PPP3CC: variants seen among roughly 807,000 people sequenced by gnomAD.
PPP3CC encodes serine/threonine-protein phosphatase 2B catalytic subunit gamma isoform.
A neutral mutation model predicts 60.3 loss-of-function variants in PPP3CC; 35 were observed. The ratio of observed to expected loss-of-function variants is 0.58; its 90% confidence interval spans 0.44 to 0.77. The LOEUF (loss-of-function observed/expected upper bound fraction) is 0.77. Ranked by LOEUF, PPP3CC falls within the 30% of genes least tolerant of loss-of-function variation. The probability of loss-of-function intolerance (pLI) is 0.00; values close to 1 mark genes in which losing one functional copy is unlikely to be tolerated. For missense variants in PPP3CC, 570 were observed against 628.9 expected (o/e 0.91, Z 1.00); for synonymous variants, 206 against 224.3 (o/e 0.92, Z 0.73).
At chr8:22,467,773 A>G (rs1425827112) in intron 1 of PPP3CC, among the ~76,000 whole-genome samples, 1 of 152,194 alleles carries the variant, frequency 6.6e-6, no homozygotes, top group Non-Finnish European at 1.5e-5. Flanking sequence ...TAATTTGTGA[A>G]CAACAGAAAT....
At chr8:22,490,294 C>T (rs76504753) in intron 3 of PPP3CC, among the ~76,000 whole-genome samples, 2,929 of 152,230 alleles carry the variant, frequency 0.019, 59 homozygotes, top group East Asian at 0.083. Context: ...CTGTTTCTGA[C>T]TCATCAGGCG....
intron 5 of PPP3CC, among the ~76,000 whole-genome samples, chr8:22,511,671 C>A (rs1839091907): frequency 6.6e-6 from 1 of 152,174 alleles, no homozygotes; most frequent in Non-Finnish European, 1.5e-5. Flanking sequence ...CCTCTGATTT[C>A]ATCACTATAA....
chr8:22,454,938 C>T (rs1837149142), intron 1 of PPP3CC, among the ~76,000 whole-genome samples: 1 of 151,638 alleles, frequency 6.6e-6, no homozygotes, highest in Non-Finnish European at 1.5e-5. Flanking sequence ...CACCTGTAGT[C>T]CCAGCTACTC....
At chr8:22,502,432 TC>T (rs1838789009) in intron 4 of PPP3CC, among the ~76,000 whole-genome samples, 1 of 152,194 alleles carries the variant, frequency 6.6e-6, no homozygotes, top group African/African-American at 2.4e-5. Context: ...ATGCTCATAA[TC>T]CTACACTTTG....
chr8:22,458,641 G>A (rs1837278162), intron 1 of PPP3CC, among the ~76,000 whole-genome samples: 2 of 151,318 alleles, frequency 1.3e-5, no homozygotes, highest in African/African-American at 2.4e-5. Context: ...ATAAAATAAA[G>A]TAAAATAAAA....
chr8:22,523,693 C>T (rs1839468823), intron 8 of PPP3CC: 1 of 453,294 alleles, frequency 2.2e-6, no homozygotes, highest in East Asian at 7.0e-5. Context: ...AATCTTCGTC[C>T]TTTGAGGGTG....
At chr8:22,540,349 G>C (rs1209729151) in intron 13 of PPP3CC, among the ~76,000 whole-genome samples, 1 of 152,144 alleles carries the variant, frequency 6.6e-6, no homozygotes, top group South Asian at 2.1e-4. Flanking sequence ...TTTTTGTTAG[G>C]TATATGTCTA....
chr8:22,524,988 GAAAAATTT>G (rs1354919651), intron 8 of PPP3CC, among the ~76,000 whole-genome samples: 1 of 152,040 alleles, frequency 6.6e-6, no homozygotes, highest in Non-Finnish European at 1.5e-5. Flanking sequence ...TCTTTACAAA[GAAAAATTT>G]AAAAGTTAGC....
chr8:22,505,126 A>G lies in PPP3CC; in HGVS notation c.485-5960A>G, dbSNP rs561700030. Among the ~76,000 whole-genome samples, 635 of 148,714 alleles carry G rather than the reference A, an allele frequency of 4.3e-3. 9 individuals carry two copies. Among genetic ancestry groups the G allele is most frequent in the Non-Finnish European group, 6.6e-3 (448 of 67,674 alleles). On this transcript the variant is annotated intron_variant, in intron 4 of 13. Transcript: ENST00000240139. The stretch of plus-strand genomic sequence containing the variant: ...ACTGCAACCTCCGCCTCCCAAGTTC[A>G]AGTGATTCTCCTGCTTCAGCCTCCT...
chr8:22,524,559 G>C (rs367769143), intron 8 of PPP3CC, among the ~76,000 whole-genome samples: 1 of 152,030 alleles, frequency 6.6e-6, no homozygotes, highest in East Asian at 1.9e-4. Context: ...TAGCAACTTA[G>C]GTTTTATTCT....
rs138864841 is a variant in PPP3CC, at chr8:22,538,657, G to A, written c.1322-812G>A. On this transcript the variant is annotated intron_variant, in intron 12 of 13. Coordinates refer to ENST00000240139, the MANE Select transcript of PPP3CC (RefSeq NM_005605.5). ...ACCCTGTACCTTTTCATATATTAGC[G>A]TTTTTACTGTCTGAGAAAGGAGATG... Among the ~76,000 whole-genome samples the A allele has an allele frequency of 2.2e-4, 34 of 152,258 alleles. 1 individual carries two copies. Among genetic ancestry groups the A allele is most frequent in the African/African-American group, 7.7e-4 (32 of 41,550 alleles).
chr8:22,493,125 A>C, intron 3 of PPP3CC: 2 of 1,552,102 alleles, frequency 1.3e-6, no homozygotes, highest in South Asian at 2.2e-5. Context: ...AATTGAGTCA[A>C]CTTCTGAAGA....
At position 22,540,899 on chromosome 8, in the gene PPP3CC, A is replaced by C; in HGVS notation, c.*97A>C. 8.7e-7 allele frequency: 1 copy of C among 1,147,582 alleles called. No individual in the cohort carries two copies. The highest frequency in any genetic ancestry group is 1.2e-6 in the Non-Finnish European group (1 of 858,274). The allele number at this position is 1,147,582 out of a possible 1,614,324, so 71.1% of individuals were successfully genotyped here. On this transcript the variant is annotated 3_prime_UTR_variant, in exon 14 of 14. Transcript: ENST00000240139. ...TGAAAAGCAACTCAAAACAACTTCA[A>C]CGTGGAGGTGCATTTATAATTCAGT... is the stretch of plus-strand genomic sequence containing the variant.
chr8:22,467,292 A>G (rs1837569873), intron 1 of PPP3CC, among the ~76,000 whole-genome samples: 1 of 152,166 alleles, frequency 6.6e-6, no homozygotes, highest in African/African-American at 2.4e-5. Context: ...TACCTAACAC[A>G]TAGTAGCAAT....
intron 6 of PPP3CC, among the ~76,000 whole-genome samples, chr8:22,518,040 T>C (rs1188685810): frequency 6.6e-6 from 1 of 151,802 alleles, no homozygotes; most frequent in Non-Finnish European, 1.5e-5. Flanking sequence ...TTTTGATATG[T>C]ATATTTTTGT....
intron 10 of PPP3CC, among the ~76,000 whole-genome samples, chr8:22,530,780 C>G (rs1839688032): frequency 8.1e-6 from 1 of 124,140 alleles, no homozygotes. Flanking sequence ...TGCAGTGAGC[C>G]AAGATCGCAC....
chr8:22,528,367 A>G (rs1839614797), intron 9 of PPP3CC, 139 bp from the exon 10 acceptor site: 1 of 446,768 alleles, frequency 2.2e-6, no homozygotes, highest in Non-Finnish European at 3.9e-6. Context: ...GCTACTTTTT[A>G]TAGCTATTCT....
At chr8:22,481,348 T>TA (rs1838061992) in intron 3 of PPP3CC, among the ~76,000 whole-genome samples, 1 of 46,032 alleles carries the variant, frequency 2.2e-5, no homozygotes, top group Non-Finnish European at 5.5e-5. Flanking sequence ...GAAAAATAAA[T>TA]AATAATAATA....
chr8:22,453,054 AGT>A (rs1371915782), intron 1 of PPP3CC, among the ~76,000 whole-genome samples: 1 of 152,224 alleles, frequency 6.6e-6, no homozygotes, highest in Admixed American at 6.5e-5. Flanking sequence ...TGTAAGAAAG[AGT>A]ACAGACTCTG....
Sources: allele counts gnomAD v4.1 joint callset (sites outside exome capture counted in the v4.1 genomes callset), GRCh38; gene constraint gnomAD v4.1.1; transcripts MANE v1.5; gene names NCBI Gene and HGNC (gene_info 2026-07-23, HGNC 2026-07-21).